KDM4C: variants seen among roughly 807,000 people sequenced by gnomAD.
KDM4C encodes the protein lysine demethylase 4C.
A neutral mutation model predicts 129.3 loss-of-function variants in KDM4C; 81 were observed. The ratio of observed to expected loss-of-function variants is 0.63; its 90% CI spans 0.52 to 0.75. KDM4C has a LOEUF of 0.75. Among genes scored for constraint, KDM4C ranks in the 30% least tolerant of loss-of-function variants. The probability of loss-of-function intolerance (pLI) is 0.00; values close to 1 mark genes in which losing one functional copy is unlikely to be tolerated. For synonymous variants in KDM4C, 573 were observed against 456.1 expected, an observed-to-expected ratio of 1.26 and a Z score of -3.26; for missense variants, 1,457 against 1,304.0, an observed-to-expected ratio of 1.12 and a Z score of -1.81.
chr9:6,879,909 G>T (rs1588895604), intron 5 of KDM4C, 103 bp from the exon 6 acceptor site: 6 of 547,150 alleles, frequency 1.1e-5, no homozygotes, highest in South Asian at 8.7e-5. Context: ...GTGGAGTTTG[G>T]TGTTGAATTT....
intron 20 of KDM4C, 146 bp downstream of exon 20, chr9:7,165,503 A>G: frequency 1.1e-6 from 1 of 923,662 alleles, no homozygotes; most frequent in Non-Finnish European, 1.6e-6. Flanking sequence ...TCAATGTGTA[A>G]TGACCCAGGT....
At position 7,013,945 on chromosome 9, in the gene KDM4C, A is replaced by C. The variant is rs765220446; in HGVS notation, c.2126A>C (p.Glu709Ala). ...TCTCCACCCAATGCCTTCCTTGAAG[A>C]GGATGGAACAAGTCTCCTTATTTCC... is the stretch of plus-strand genomic sequence containing the variant. ...EYSPPNAFLE[E>A]DGTSLLISCA... The change falls in exon 14 of 22, where the codon GAG (glutamate) becomes GCG (alanine). Residue 709 changes from glutamate to alanine, a missense_variant. By Grantham distance (107) the Glu-to-Ala change is moderately radical. Transcript: ENST00000381309. The C allele has an allele frequency of 6.2e-7, 1 of 1,614,052 alleles. No homozygotes were observed. The highest frequency in any genetic ancestry group is 8.5e-7 in the Non-Finnish European group (1 of 1,179,900).
rs1453655127 is a variant in KDM4C at position 6,748,366 on chromosome 9, G to GTT, written c.49+27369_49+27370insTT. ...CTACTAAAAATACAAAATTAGCCAGGAGTGGTGGCACATGCCTGTAATCTC... is the reference window on the plus strand; with the variant it reads ...CTACTAAAAATACAAAATTAGCCAGGTTAGTGGTGGCACATGCCTGTAATCTC... On this transcript the variant is annotated intron_variant, in intron 1 of 17. Transcript: ENST00000536108. 8.3e-4 allele frequency among the ~76,000 whole-genome samples: 126 copies of GTT among 151,928 alleles called. 1 individual carries two copies. Among genetic ancestry groups the GTT allele is most frequent in the Non-Finnish European group, 2.5e-4 (17 of 67,970 alleles).
intron 17 of KDM4C, among the ~76,000 whole-genome samples, chr9:7,062,072 A>G (rs1214918453): frequency 6.6e-6 from 1 of 151,916 alleles, no homozygotes; most frequent in East Asian, 1.9e-4. Context: ...GGTTCACGCC[A>G]TTCTCCTACC....
intron 17 of KDM4C, among the ~76,000 whole-genome samples, chr9:7,095,896 T>C (rs933768084): frequency 6.6e-6 from 1 of 152,228 alleles, no homozygotes; most frequent in Non-Finnish European, 1.5e-5. Flanking sequence ...GTGTAAACAG[T>C]AATTTCAAAT....
chr9:7,051,467 A>G (rs1830141758), intron 17 of KDM4C, among the ~76,000 whole-genome samples: 2 of 152,150 alleles, frequency 1.3e-5, no homozygotes, highest in African/African-American at 4.8e-5. Flanking sequence ...TTTCCAGGGA[A>G]TAGGATGCTC....
At chr9:7,017,305 A>T (rs961425273) in intron 15 of KDM4C, among the ~76,000 whole-genome samples, 1 of 152,200 alleles carries the variant, frequency 6.6e-6, no homozygotes, top group Non-Finnish European at 1.5e-5. Flanking sequence ...ATACTTTAAT[A>T]CATTTTAGAG....
intron 1 of KDM4C, among the ~76,000 whole-genome samples, chr9:6,775,038 T>A (rs536127739): frequency 6.6e-6 from 1 of 152,222 alleles, no homozygotes; most frequent in Admixed American, 6.6e-5. Flanking sequence ...TGAGATGGAG[T>A]CTCTCTCTGT....
chr9:6,816,922 C>G (rs577814724), intron 4 of KDM4C, among the ~76,000 whole-genome samples: 3 of 150,232 alleles, frequency 2.0e-5, no homozygotes, highest in Non-Finnish European at 4.4e-5. Flanking sequence ...CTTTATATAT[C>G]CTGCGTATGA....
At chr9:7,157,974 C>T (rs561759994) in intron 19 of KDM4C, among the ~76,000 whole-genome samples, 36 of 152,290 alleles carry the variant, frequency 2.4e-4, no homozygotes, top group South Asian at 8.3e-4. Flanking sequence ...GGCTGTGAAT[C>T]CGTCTGGTCC....
chr9:6,835,623 G>T (rs769733765), intron 4 of KDM4C: 1 of 821,768 alleles, frequency 1.2e-6, no homozygotes, highest in East Asian at 2.4e-5. Flanking sequence ...GACAAAACCT[G>T]ACTTGTGCAG....
chr9:6,735,045 T>C (rs1386129040), intron 1 of KDM4C: 6 of 475,428 alleles, frequency 1.3e-5, no homozygotes, highest in Admixed American at 1.1e-4. Context: ...TCATGGGTGG[T>C]CAAAGAGATG....
chr9:7,171,990 A>G (rs1216468117), intron 21 of KDM4C, among the ~76,000 whole-genome samples: 1 of 152,220 alleles, frequency 6.6e-6, no homozygotes, highest in Non-Finnish European at 1.5e-5. Flanking sequence ...AATCAAAGAC[A>G]TACACAGTCT....
chr9:6,878,175 C>G (rs776720441), intron 5 of KDM4C, among the ~76,000 whole-genome samples: 2 of 151,972 alleles, frequency 1.3e-5, no homozygotes, highest in Non-Finnish European at 2.9e-5. Flanking sequence ...TTTAGTTCTA[C>G]TTGGGAAATA....
chr9:6,974,661 C>G (rs558855294), intron 8 of KDM4C: 3 of 152,228 alleles, frequency 2.0e-5, no homozygotes, highest in African/African-American at 7.2e-5. Context: ...CCCTGCCTGT[C>G]TGTTTTCATA....
intron 7 of KDM4C, among the ~76,000 whole-genome samples, chr9:6,888,349 C>CT (rs1321451060): frequency 6.6e-6 from 1 of 152,164 alleles, no homozygotes; most frequent in East Asian, 1.9e-4. Flanking sequence ...ATATTAAAAT[C>CT]TTTTTTATGA....
intron 2 of KDM4C, among the ~76,000 whole-genome samples, chr9:6,795,713 C>A (rs1408758719): frequency 6.6e-6 from 1 of 151,460 alleles, no homozygotes; most frequent in Non-Finnish European, 1.5e-5. Flanking sequence ...ATTTTGTCAC[C>A]CAAGCTGGAG....
chr9:6,951,689 C>T (rs1003424302), intron 8 of KDM4C, among the ~76,000 whole-genome samples: 9 of 152,126 alleles, frequency 5.9e-5, no homozygotes, highest in African/African-American at 1.7e-4. Flanking sequence ...TTTGGGAAAA[C>T]ACTTAACTGT....
chr9:6,930,517 A>C (rs1404010235), intron 8 of KDM4C, among the ~76,000 whole-genome samples: 2 of 141,204 alleles, frequency 1.4e-5, no homozygotes, highest in East Asian at 3.9e-4. Flanking sequence ...AAATATGTAC[A>C]TATATAATAT....
Sources: allele counts gnomAD v4.1 joint callset (sites outside exome capture counted in the v4.1 genomes callset), GRCh38; gene constraint gnomAD v4.1.1; transcripts MANE v1.5; gene names NCBI Gene and HGNC (gene_info 2026-07-23, HGNC 2026-07-21).